Variants in GTF2F1 observed in about 807,000 individuals in gnomAD.
GTF2F1 encodes the protein general transcription factor IIF 74 kDa subunit.
Under a neutral mutation model 63.5 loss-of-function variants are expected in GTF2F1, and 39 were observed. The observed-to-expected ratio is 0.61, with a 90% confidence interval of 0.48 to 0.80. The LOEUF is 0.80. Ranked by LOEUF, GTF2F1 falls within the 30% of genes least tolerant of loss-of-function variation. The pLI is 0.00. For synonymous variants in GTF2F1, 287 were observed against 285.3 expected, an observed-to-expected ratio of 1.01 and a Z score of -0.06; for missense variants, 657 against 718.3, an observed-to-expected ratio of 0.91 and a Z score of 0.97.
intron 2 of GTF2F1, 45 bp downstream of exon 2, chr19:6,392,812 T>G: frequency 3.8e-6 from 6 of 1,568,300 alleles, no homozygotes; most frequent in Non-Finnish European, 5.3e-6. Context: ...AAGGTTTTCA[T>G]TTTTGGGGGG....
At chr19:6,384,392 T>C (rs1264780682) in intron 5 of GTF2F1, among the ~76,000 whole-genome samples, 1 of 151,658 alleles carries the variant, frequency 6.6e-6, no homozygotes, top group East Asian at 2.0e-4. Context: ...CCTGTAGTCC[T>C]GACTACTCAG....
Position 6,380,279 on chromosome 19 carries a change from C to A in GTF2F1, c.*2G>T, listed in dbSNP as rs1568328219. 1.9e-6 allele frequency: 3 copies of A among 1,612,786 alleles called. No homozygotes were observed. The highest frequency in any genetic ancestry group is 2.5e-6 in the Non-Finnish European group (3 of 1,178,848). On this transcript the variant is annotated 3_prime_UTR_variant, in exon 13 of 13. Transcript: ENST00000394456. The surrounding 1 kb of genome is among the most constrained non-coding windows in gnomAD (Gnocchi z 5.3). ...GGGCAGAGCCATGTATTGGACCAAGCCTCACTCCTTGAGGGAGAAGTGCAT... is the reference window on the plus strand; with the variant it reads ...GGGCAGAGCCATGTATTGGACCAAGACTCACTCCTTGAGGGAGAAGTGCAT...
rs1377116464 is a variant in GTF2F1 at position 6,380,270 on chromosome 19, TG to T, written c.*10del. 1 of 1,610,646 alleles carries T rather than the reference TG, an allele frequency of 6.2e-7. No homozygotes were observed. Among genetic ancestry groups the T allele is most frequent in the African/African-American group, 1.3e-5 (1 of 74,840 alleles). ...AGTTCTGGGGGGCAGAGCCATGTAT[TG>T]GACCAAGCCTCACTCCTTGAGGGAG... is the stretch of plus-strand genomic sequence containing the variant. On this transcript the variant is annotated 3_prime_UTR_variant, in exon 13 of 13. Transcript: ENST00000394456. This position sits in a 1 kb window ranked among gnomAD's most constrained non-coding sequence, Gnocchi z 5.3.
chr19:6,382,843 C>T (rs926021889), intron 6 of GTF2F1, among the ~76,000 whole-genome samples: 72 of 151,846 alleles, frequency 4.7e-4, no homozygotes, highest in Non-Finnish European at 3.1e-4. Flanking sequence ...TCAGCTCTCC[C>T]GGGCTCTGGC....
chr19:6,381,471 ATC>A lies in GTF2F1; in HGVS notation c.904_905del (p.Asp302Ter), dbSNP rs748783334. 6.2e-7 allele frequency: 1 copy of A among 1,607,882 alleles called. No homozygotes were observed. Among genetic ancestry groups the A allele is most frequent in the Non-Finnish European group, 8.5e-7 (1 of 1,179,344 alleles). Reference protein sequence around the residue: ...PQQEEGPKGVDEQSDSSEESE... With the variant: ...PQQEEGPKGVXEQSDSSEESE... ...TCTCCTCACTACTGTCGCTCTGCTC[ATC>A]GACACCTGGGAGGGGCAGGGTATGA... On this transcript the variant is annotated frameshift_variant, in exon 9 of 13. Transcript: ENST00000394456. LOFTEE classifies it high-confidence loss of function. This position sits in a 1 kb window ranked among gnomAD's most constrained non-coding sequence, Gnocchi z 4.1.
chr19:6,392,265 G>C (rs2092003147), intron 2 of GTF2F1: 1 of 506,054 alleles, frequency 2.0e-6, no homozygotes, highest in Non-Finnish European at 3.8e-6. Flanking sequence ...AGGATTCCCA[G>C]TCTGCCAGAG....
chr19:6,387,579 T>C lies in GTF2F1; in HGVS notation c.327-20A>G, dbSNP rs768926088. 2.5e-6 allele frequency: 4 copies of C among 1,611,868 alleles called. No individual in the cohort carries two copies. The highest frequency in any genetic ancestry group is 2.2e-5 in the East Asian group (1 of 44,862). ...TTGAACCTGCAGGGAGCCACGGTCA[T>C]GGCCTGGCCCATAGGGACCAGCCCC... On this transcript the variant is annotated intron_variant, in intron 4 of 12. Transcript: ENST00000394456.
intron 5 of GTF2F1, among the ~76,000 whole-genome samples, chr19:6,385,670 C>T (rs2091971438): frequency 6.6e-6 from 1 of 152,082 alleles, no homozygotes; most frequent in Non-Finnish European, 1.5e-5. Context: ...GCCCCACAGG[C>T]TCGGAGGCTC....
Position 6,381,959 on chromosome 19 carries a change from T to C in GTF2F1, c.683-109A>G. 1.1e-6 allele frequency: 1 copy of C among 909,762 alleles called. No individual in the cohort carries two copies. The highest frequency in any genetic ancestry group is 1.7e-6 in the Non-Finnish European group (1 of 600,974). 56.4% of individuals were successfully genotyped at this position (909,762 alleles called of 1,614,324 possible). On this transcript the variant is annotated intron_variant, in intron 6 of 12. Transcript: ENST00000394456. This position sits in a 1 kb window ranked among gnomAD's most constrained non-coding sequence, Gnocchi z 4.1. The stretch of plus-strand genomic sequence containing the variant: ...GTTTTGACATCCTGGGGGGCCTCAC[T>C]GACTGGGGAGACTACACCTCCAGGG...
At chr19:6,382,310 G>A (rs1387963381) in intron 6 of GTF2F1, among the ~76,000 whole-genome samples, 1 of 152,110 alleles carries the variant, frequency 6.6e-6, no homozygotes, top group Non-Finnish European at 1.5e-5. Flanking sequence ...GGGCAACACA[G>A]TGAGTGAGAC....
At position 6,383,303 on chromosome 19, in the gene GTF2F1, G is replaced by A. The variant is rs762874210; in HGVS notation, c.682+8C>T. The A allele has an allele frequency of 3.8e-5, 62 of 1,613,136 alleles. No homozygotes were observed. Among genetic ancestry groups the A allele is most frequent in the South Asian group, 3.0e-4 (27 of 91,086 alleles). On this transcript the variant is annotated splice_region_variant and intron_variant, in intron 6 of 12. Coordinates refer to ENST00000394456, the MANE Select transcript of GTF2F1 (RefSeq NM_002096.3). This position sits in a 1 kb window ranked among gnomAD's most constrained non-coding sequence, Gnocchi z 4.5. ...TCTGTGACCTAATGCCCAGGCGCCC[G>A]TACTCACCCTCCTCACCACTGGCAT...
In GTF2F1 at chr19:6,380,089, G is replaced by A; in HGVS notation, c.*192C>T. The A allele has an allele frequency of 1.6e-6, 1 of 629,506 alleles. No homozygotes were observed. Among genetic ancestry groups the A allele is most frequent in the South Asian group, 1.8e-5 (1 of 54,128 alleles). The allele number at this position is 629,506 out of a possible 1,614,324, so 39.0% of individuals were successfully genotyped here. A position where few individuals can be genotyped will look rare whatever the true frequency, so the allele number is the denominator to read the frequency against. ...AGAAGGAAGGGCCAGAGGAGGAGAT[G>A]GCTTAACTTTTCCAGAATTGCTAAC... is the stretch of plus-strand genomic sequence containing the variant. On this transcript the variant is annotated 3_prime_UTR_variant, in exon 13 of 13. Transcript: ENST00000394456. The surrounding 1 kb of genome is among the most constrained non-coding windows in gnomAD (Gnocchi z 5.3).
Position 6,381,021 on chromosome 19 carries a change from T to A in GTF2F1, c.1114A>T (p.Arg372Ter). The change falls in exon 11 of 13, where the codon AGA becomes TGA. Residue 372 changes from arginine (R) to a stop codon, truncating the protein, a stop_gained. Coordinates refer to ENST00000394456, the MANE Select transcript of GTF2F1 (RefSeq NM_002096.3). LOFTEE classifies it high-confidence loss of function. The surrounding 1 kb of genome is among the most constrained non-coding windows in gnomAD (Gnocchi z 4.1). ...FMAKKKTPPK[R>*]ERKPSGGSSR... ...CTCCCTCCCGACGGCTTCCGCTCTCTCTTGGGTGGCGTCTTCTTCTTCTGC... is the reference window on the plus strand; with the variant it reads ...CTCCCTCCCGACGGCTTCCGCTCTCACTTGGGTGGCGTCTTCTTCTTCTGC... The A allele has an allele frequency of 1.9e-5, 31 of 1,611,978 alleles. No individual in the cohort carries two copies. The highest frequency in any genetic ancestry group is 2.6e-5 in the Non-Finnish European group (31 of 1,179,234).
chr19:6,383,348 C>T lies in GTF2F1; in HGVS notation c.645G>A (p.Glu215=). 6.2e-7 allele frequency: 1 copy of T among 1,614,172 alleles called. No individual in the cohort carries two copies. Among genetic ancestry groups the T allele is most frequent in the African/African-American group, 1.3e-5 (1 of 75,076 alleles). ...LRIHDLEDDL[E]MSSDASDASG... Reference sequence around the variant, plus strand: ...TGGCATCACTGGCATCGGACGACATCTCCAGGTCGTCCTCCAGGTCGTGGA... The same window carrying T: ...TGGCATCACTGGCATCGGACGACATTTCCAGGTCGTCCTCCAGGTCGTGGA... Residue 215 remains glutamate (E), a synonymous_variant, in exon 6 of 13, where the codon GAG becomes GAA. Transcript: ENST00000394456. The surrounding 1 kb of genome is among the most constrained non-coding windows in gnomAD (Gnocchi z 4.5).
chr19:6,382,156 G>C, intron 6 of GTF2F1, among the ~76,000 whole-genome samples: 1 of 152,114 alleles, frequency 6.6e-6, no homozygotes, highest in Non-Finnish European at 1.5e-5. Flanking sequence ...TATTGAAACT[G>C]GTCAACCTAG....
At chr19:6,382,634 A>G (rs1341416546) in intron 6 of GTF2F1, among the ~76,000 whole-genome samples, 1 of 147,818 alleles carries the variant, frequency 6.8e-6, no homozygotes, top group African/African-American at 2.5e-5. Context: ...CTGTCTCCAA[A>G]AAAAAAAAAA....
chr19:6,380,707 A>G lies in GTF2F1; in HGVS notation c.1232-17T>C. The G allele has an allele frequency of 6.2e-7, 1 of 1,607,072 alleles. No individual in the cohort carries two copies. The highest frequency in any genetic ancestry group is 8.5e-7 in the Non-Finnish European group (1 of 1,178,862). ...CCCGCTTCCCTGTGGGAGTGGGGTCAGGGCTGAGTCTTGCAGGCAGGAGGC... is the reference window on the plus strand; with the variant it reads ...CCCGCTTCCCTGTGGGAGTGGGGTCGGGGCTGAGTCTTGCAGGCAGGAGGC... On this transcript the variant is annotated splice_polypyrimidine_tract_variant and intron_variant, in intron 11 of 12. Transcript: ENST00000394456. This position sits in a 1 kb window ranked among gnomAD's most constrained non-coding sequence, Gnocchi z 5.3.
In GTF2F1 at chr19:6,380,796, G is replaced by T; in HGVS notation, c.1232-106C>A. 1 of 1,517,496 alleles carries T rather than the reference G, an allele frequency of 6.6e-7. No homozygotes were observed. Among genetic ancestry groups the T allele is most frequent in the African/African-American group, 1.4e-5 (1 of 73,284 alleles). The allele number at this position is 1,517,496 out of a possible 1,614,324, so 94.0% of individuals were successfully genotyped here. A position where few individuals can be genotyped will look rare whatever the true frequency, so the allele number is the denominator to read the frequency against. Reference sequence around the variant, plus strand: ...GATTAGGGTTCAAGGGGATCAGGGAGAGACAGGCCTCCACCCGCATCTCCA... The same window carrying T: ...GATTAGGGTTCAAGGGGATCAGGGATAGACAGGCCTCCACCCGCATCTCCA... On this transcript the variant is annotated intron_variant, in intron 11 of 12. Coordinates refer to ENST00000394456, the MANE Select transcript of GTF2F1 (RefSeq NM_002096.3). The surrounding 1 kb of genome is among the most constrained non-coding windows in gnomAD (Gnocchi z 5.3).
In GTF2F1 at chr19:6,380,678, C is replaced by T; in HGVS notation, c.1244G>A (p.Ser415Asn). 1 of 1,612,082 alleles carries T rather than the reference C, an allele frequency of 6.2e-7. No homozygotes were observed. Among genetic ancestry groups the T allele is most frequent in the South Asian group, 1.1e-5 (1 of 91,076 alleles). ...CAACCGCTTGGCTGCAGGCATCTCG[C>T]TCACCCGCTTCCCTGTGGGAGTGGG... The part of the protein sequence containing the change: ...ASKLEQGKRV[S>N]EMPAAKRLRL... The change falls in exon 12 of 13, where the codon AGC becomes AAC. Residue 415 changes from serine to asparagine, a missense_variant. Physicochemically the swap from Ser to Asn is conservative, Grantham distance 46. Coordinates refer to ENST00000394456, the MANE Select transcript of GTF2F1 (RefSeq NM_002096.3). This position sits in a 1 kb window ranked among gnomAD's most constrained non-coding sequence, Gnocchi z 5.3.
Sources: gnomAD v4.1 joint callset for allele counts (sites outside exome capture counted in the v4.1 genomes callset) on GRCh38, gnomAD v4.1.1 for gene constraint, Gnocchi (gnomAD v3.1) non-coding constraint, MANE v1.5 for transcripts, NCBI Gene and HGNC (gene_info 2026-07-23, HGNC 2026-07-21) for gene names.